Variants in EDA observed in about 807,000 individuals in gnomAD.
EDA encodes ectodysplasin-A.
A neutral mutation model predicts 23.6 loss-of-function variants in EDA; 2 were observed. The ratio of observed to expected loss-of-function variants is 0.08; its 90% CI spans 0.03 to 0.27. The LOEUF is 0.27. Ranked by LOEUF, EDA falls within the 10% of genes least tolerant of loss-of-function variation. The probability of loss-of-function intolerance (pLI) is 1.00; values close to 1 mark genes in which losing one functional copy is unlikely to be tolerated. For missense variants in EDA, 229 were observed against 324.2 expected (o/e 0.71, Z 2.26); for synonymous variants, 131 against 132.0 (o/e 0.99, Z 0.05).
At chrX:69,905,252 TGAG>T (rs756194392) in intron 1 of EDA, among the ~76,000 whole-genome samples, 1 of 112,071 alleles carries the variant, frequency 8.9e-6, no homozygotes, top group East Asian at 2.8e-4. Context: ...TTAGGATAGT[TGAG>T]GAGAAGTGGA....
chrX:69,939,805 A>G (rs1287942508), intron 1 of EDA, among the ~76,000 whole-genome samples: 1 of 111,828 alleles, frequency 8.9e-6, no homozygotes, highest in Non-Finnish European at 1.9e-5. Flanking sequence ...ACAGATGTTG[A>G]ATTTTATCAA....
chrX:69,767,666 T>C (rs1030958451), intron 1 of EDA, among the ~76,000 whole-genome samples: 1 of 112,041 alleles, frequency 8.9e-6, no homozygotes, highest in East Asian at 2.8e-4. Flanking sequence ...TACAGATAAA[T>C]GCTATGAACA....
intron 1 of EDA, among the ~76,000 whole-genome samples, chrX:69,795,965 C>A (rs1228037430): frequency 9.0e-6 from 1 of 111,633 alleles, no homozygotes; most frequent in Non-Finnish European, 1.9e-5. Context: ...TCCAGGGGTC[C>A]TGAGGTAGGA....
At chrX:69,710,210 C>T (rs2011926424) in intron 1 of EDA, among the ~76,000 whole-genome samples, 1 of 110,364 alleles carries the variant, frequency 9.1e-6, no homozygotes, top group Admixed American at 9.7e-5. Context: ...CAGCTTTCTA[C>T]ATATGGCTAG....
intron 3 of EDA, among the ~76,000 whole-genome samples, chrX:70,023,670 T>A (rs1033022533): frequency 1.8e-4 from 20 of 108,951 alleles, no homozygotes; most frequent in Admixed American, 1.1e-3. Flanking sequence ...CTTTATCAAA[T>A]CAGTGATTGA....
At chrX:69,821,370 C>A (rs1419982585) in intron 1 of EDA, among the ~76,000 whole-genome samples, 1 of 109,744 alleles carries the variant, frequency 9.1e-6, no homozygotes, top group African/African-American at 3.3e-5. Flanking sequence ...AACAAACCTG[C>A]ACATCCTGCA....
intron 1 of EDA, among the ~76,000 whole-genome samples, chrX:69,627,854 C>T (rs1932443454): frequency 9.0e-6 from 1 of 111,527 alleles, no homozygotes; most frequent in Admixed American, 9.5e-5. Context: ...TTGCCATTTC[C>T]TCAGCCAGAT....
intron 1 of EDA, chrX:69,756,731 C>T (rs1424476422): frequency 2.7e-5 from 3 of 112,000 alleles, no homozygotes; most frequent in Non-Finnish European, 5.6e-5. Flanking sequence ...CTCTTGAATG[C>T]CCTACAGAAA....
intron 2 of EDA, among the ~76,000 whole-genome samples, chrX:69,989,954 T>C (rs1602589557): frequency 1.0e-5 from 1 of 98,214 alleles, no homozygotes; most frequent in African/African-American, 3.7e-5. Context: ...TTTTTTTTTT[T>C]CATTTTTTGT....
chrX:69,628,634 C>T (rs1932467539), intron 1 of EDA, among the ~76,000 whole-genome samples: 6 of 111,404 alleles, frequency 5.4e-5, no homozygotes, highest in East Asian at 2.8e-4. Context: ...TTCCCCTTCC[C>T]ACCACACACA....
At chrX:69,771,894 C>T (rs1203943095) in intron 1 of EDA, among the ~76,000 whole-genome samples, 2 of 112,142 alleles carry the variant, frequency 1.8e-5, no homozygotes, top group Non-Finnish European at 3.8e-5. Context: ...GAAGGATTTC[C>T]GTGTTGCTAC....
chrX:70,022,456 C>G (rs1269656360), intron 2 of EDA, among the ~76,000 whole-genome samples: 5 of 109,674 alleles, frequency 4.6e-5, no homozygotes, highest in Non-Finnish European at 9.5e-5. Flanking sequence ...CCTGGCTCAG[C>G]CTTCCAAGTA....
intron 1 of EDA, among the ~76,000 whole-genome samples, chrX:69,807,405 G>C (rs2015839318): frequency 1.0e-5 from 1 of 99,901 alleles, no homozygotes; most frequent in Non-Finnish European, 2.0e-5. Context: ...GATGATTATA[G>C]TTGAATTTAC....
chrX:69,696,715 A>G (rs1017630826), intron 1 of EDA, among the ~76,000 whole-genome samples: 1 of 112,101 alleles, frequency 8.9e-6, no homozygotes, highest in African/African-American at 3.2e-5. Flanking sequence ...ACCCTCTGTT[A>G]TATACAAACA....
At chrX:69,923,128 C>A (rs758715585) in intron 1 of EDA, among the ~76,000 whole-genome samples, 3 of 111,505 alleles carry the variant, frequency 2.7e-5, no homozygotes, top group Non-Finnish European at 5.7e-5. Flanking sequence ...TAAATGATTT[C>A]TTTCACAACT....
rs932522412 is a variant in EDA at position 69,701,373 on chromosome X, T to C, written c.396+84669T>C. ...TGGGCTTACCTGGGTTTGGTCATTG[T>C]CTGGACCAGTCGCCTTCATTGCCAC... On this transcript the variant is annotated intron_variant, in intron 1 of 7. Transcript: ENST00000374552. Among the ~76,000 whole-genome samples, 3 of 111,714 alleles carry C rather than the reference T, an allele frequency of 2.7e-5. No individual in the cohort carries two copies. The Admixed American group carries it at 2.8e-4, about 11-fold the overall frequency.
chrX:69,695,722 G>A (rs182127688), intron 1 of EDA, among the ~76,000 whole-genome samples: 1,508 of 107,613 alleles, frequency 0.014, 19 homozygotes, highest in African/African-American at 0.046. Flanking sequence ...GTCTGGTCTC[G>A]AACACCTGAC....
intron 2 of EDA, among the ~76,000 whole-genome samples, chrX:70,014,159 C>T (rs2019914358): frequency 8.9e-6 from 1 of 112,117 alleles, no homozygotes; most frequent in Admixed American, 9.4e-5. Context: ...CTACAGCCAG[C>T]ACTCATGTAG....
At chrX:69,972,643 T>C (rs755172171) in intron 2 of EDA, among the ~76,000 whole-genome samples, 2 of 111,971 alleles carry the variant, frequency 1.8e-5, no homozygotes, top group Non-Finnish European at 3.8e-5. Flanking sequence ...TATGAAACTT[T>C]GAACATGCTT....
Sources: allele counts gnomAD v4.1 joint callset (sites outside exome capture counted in the v4.1 genomes callset), GRCh38; gene constraint gnomAD v4.1.1; transcripts MANE v1.5; gene names NCBI Gene and HGNC (gene_info 2026-07-23, HGNC 2026-07-21).